The following PLXNA4 variants were observed in gnomAD, a reference collection of about 807,000 sequenced individuals.
The protein encoded by PLXNA4 is plexin A4.
PLXNA4 carries 44 observed loss-of-function variants against 191.8 expected under a neutral mutation model. That is an observed-to-expected ratio of 0.23 (90% CI 0.18 to 0.29). PLXNA4 has a LOEUF of 0.29. Ranked by LOEUF, PLXNA4 falls within the 10% of genes least tolerant of loss-of-function variation. The pLI, the probability that PLXNA4 is intolerant of heterozygous loss-of-function variation, is 1.00. For missense variants in PLXNA4, 1,800 were observed against 2,488.8 expected, an observed-to-expected ratio of 0.72 and a Z score of 5.89; for synonymous variants, 1,082 against 1,009.5, an observed-to-expected ratio of 1.07 and a Z score of -1.36.
chr7:132,168,231 A>C lies in PLXNA4; in HGVS notation c.4286+73T>G, dbSNP rs1796178879. 5 of 1,441,914 alleles carry C rather than the reference A, an allele frequency of 3.5e-6. No homozygotes were observed. In the South Asian group the frequency reaches 6.2e-5, roughly 18 times the overall value. The allele number at this position is 1,441,914 out of a possible 1,614,324, so 89.3% of individuals were successfully genotyped here. On this transcript the variant is annotated intron_variant, in intron 22 of 31. Transcript: ENST00000321063. ...GCTGCTCTCCTAGGAGCTCCACCCG[A>C]GTCTCCCTGCAAGGCACGGTGAGCC...
At chr7:132,190,363 T>A (rs1188407130) in intron 14 of PLXNA4, among the ~76,000 whole-genome samples, 2 of 152,286 alleles carry the variant, frequency 1.3e-5, no homozygotes, top group East Asian at 3.9e-4. Flanking sequence ...GCACACAGGC[T>A]CATTATAAGA....
Position 132,198,556 on chromosome 7 carries a change from G to A in PLXNA4, c.2667C>T (p.Asp889=). The change falls in exon 13 of 32, where the codon GAC becomes GAT. Residue 889 remains aspartate (D), a synonymous_variant. Transcript: ENST00000321063. ...CAGCAACCTTGACATGGGAGGCGATGTCGCGAAATTCCAGGCCCAGGTTCT... is the reference window on the plus strand; with the variant it reads ...CAGCAACCTTGACATGGGAGGCGATATCGCGAAATTCCAGGCCCAGGTTCT... ...RGENLGLEFR[D]IASHVKVAGV... The A allele has an allele frequency of 6.2e-7, 1 of 1,614,266 alleles. No homozygotes were observed. Among genetic ancestry groups the A allele is most frequent in the East Asian group, 2.2e-5 (1 of 44,882 alleles).
chr7:132,223,496 A>G, intron 9 of PLXNA4, 31 bp downstream of exon 9: 3 of 1,560,474 alleles, frequency 1.9e-6, no homozygotes, highest in Non-Finnish European at 2.6e-6. Flanking sequence ...ACAACAAGAG[A>G]CACTCACCAC....
intron 2 of PLXNA4, among the ~76,000 whole-genome samples, chr7:132,632,724 A>T (rs1379666196): frequency 6.6e-6 from 1 of 152,102 alleles, no homozygotes; most frequent in Non-Finnish European, 1.5e-5. Context: ...TTTTTAAATG[A>T]CTTGTTAACA....
intron 1 of PLXNA4, among the ~76,000 whole-genome samples, chr7:132,573,218 G>A (rs548720593): frequency 5.3e-5 from 8 of 152,110 alleles, no homozygotes; most frequent in Non-Finnish European, 1.2e-4. Context: ...GGAGACGCTG[G>A]CACATCTGTT....
At chr7:132,519,573 G>A (rs1015057923) in intron 1 of PLXNA4, among the ~76,000 whole-genome samples, 2 of 152,156 alleles carry the variant, frequency 1.3e-5, no homozygotes, top group Non-Finnish European at 2.9e-5. Flanking sequence ...AGGAGAGGAG[G>A]CTCACTGCAT....
chr7:132,229,266 C>T (rs1003486897), intron 5 of PLXNA4, among the ~76,000 whole-genome samples: 5 of 152,316 alleles, frequency 3.3e-5, no homozygotes, highest in African/African-American at 1.2e-4. Flanking sequence ...GTGCTCTGTG[C>T]TGTGTAAAGT....
intron 3 of PLXNA4, among the ~76,000 whole-genome samples, chr7:132,399,753 T>G (rs192454991): frequency 6.6e-6 from 1 of 152,346 alleles, no homozygotes; most frequent in East Asian, 1.9e-4. Context: ...TCAGGTTTTA[T>G]TCCTGATGAA....
intron 24 of PLXNA4, among the ~76,000 whole-genome samples, chr7:132,163,220 C>T (rs1224864965): frequency 2.0e-5 from 3 of 152,144 alleles, no homozygotes; most frequent in African/African-American, 4.8e-5. Flanking sequence ...AGAGTGAGCT[C>T]CCTGGGTTTG....
At chr7:132,509,876 C>G (rs1475615549) in intron 1 of PLXNA4, among the ~76,000 whole-genome samples, 1 of 152,228 alleles carries the variant, frequency 6.6e-6, no homozygotes, top group Non-Finnish European at 1.5e-5. Context: ...TCTGGGTTCA[C>G]TGCCCAACCC....
At chr7:132,389,305 C>T (rs1188455941) in intron 3 of PLXNA4, among the ~76,000 whole-genome samples, 1 of 152,146 alleles carries the variant, frequency 6.6e-6, no homozygotes, top group Non-Finnish European at 1.5e-5. Flanking sequence ...GCTTTTGTTG[C>T]CATTGCTTTT....
chr7:132,638,137 G>A lies in PLXNA4; in HGVS notation c.-87+7791C>T, dbSNP rs577754384. On this transcript the variant is annotated intron_variant, in intron 2 of 4. Coordinates refer to the PLXNA4 transcript ENST00000378539. ...CCACAACGGAGCCTCCACTCCTAGC[G>A]CACAGCCTCCTCCCTACACAGCTGT... 9.9e-5 allele frequency among the ~76,000 whole-genome samples: 15 copies of A among 152,278 alleles called. 1 individual carries two copies. The South Asian group carries it at 2.7e-3, about 27-fold the overall frequency.
intron 29 of PLXNA4, among the ~76,000 whole-genome samples, chr7:132,144,317 T>C (rs1368128104): frequency 6.6e-6 from 1 of 152,200 alleles, no homozygotes; most frequent in African/African-American, 2.4e-5. Flanking sequence ...CCGTACTAAG[T>C]GCTGAATACT....
chr7:132,427,146 C>T (rs529336206), intron 3 of PLXNA4, among the ~76,000 whole-genome samples: 175 of 152,228 alleles, frequency 1.1e-3, no homozygotes, highest in Non-Finnish European at 2.2e-3. Flanking sequence ...GCAATGCTGT[C>T]TCTTCTGCCA....
intron 3 of PLXNA4, among the ~76,000 whole-genome samples, chr7:132,363,274 C>A (rs529215816): frequency 6.6e-6 from 1 of 152,252 alleles, no homozygotes; most frequent in African/African-American, 2.4e-5. Flanking sequence ...CATGAGCCAC[C>A]GCACCCAGTC....
At chr7:132,343,939 T>C (rs2116761531) in intron 3 of PLXNA4, among the ~76,000 whole-genome samples, 1 of 152,174 alleles carries the variant, frequency 6.6e-6, no homozygotes, top group African/African-American at 2.4e-5. Context: ...AATAATTAAG[T>C]GCACAAGCAG....
At chr7:132,538,246 G>A (rs1248514349) in intron 1 of PLXNA4, among the ~76,000 whole-genome samples, 1 of 152,234 alleles carries the variant, frequency 6.6e-6, no homozygotes, top group African/African-American at 2.4e-5. Context: ...CCCAGCAAGA[G>A]AGGAAAGGAG....
Position 132,126,380 on chromosome 7 carries a change from C to T in PLXNA4, c.*4099G>A, listed in dbSNP as rs945692307. 1 of 152,510 alleles carries T rather than the reference C, an allele frequency of 6.6e-6. No individual in the cohort carries two copies. Among genetic ancestry groups the T allele is most frequent in the Non-Finnish European group, 1.5e-5 (1 of 68,314 alleles). The allele number at this position is 152,510 out of a possible 1,614,324, so 9.4% of individuals were successfully genotyped here. ...GAGAGGTCTGAGCAGCTCCTGTACT[C>T]AAGTGGATAAATCGCCCTGGGACAG... On this transcript the variant is annotated 3_prime_UTR_variant, in exon 32 of 32. Coordinates refer to ENST00000321063, the MANE Select transcript of PLXNA4 (RefSeq NM_020911.2).
intron 22 of PLXNA4, among the ~76,000 whole-genome samples, chr7:132,165,870 GCCATATA>G (rs1796107280): frequency 6.6e-6 from 1 of 152,150 alleles, no homozygotes; most frequent in Non-Finnish European, 1.5e-5. Flanking sequence ...GCAGCATAAA[GCCATATA>G]CCCAGCTCAG....
Sources: allele counts gnomAD v4.1 joint callset (sites outside exome capture counted in the v4.1 genomes callset), GRCh38; gene constraint gnomAD v4.1.1; transcripts MANE v1.5; gene names NCBI Gene and HGNC (gene_info 2026-07-23, HGNC 2026-07-21).